Variants in MAF observed in about 807,000 individuals in gnomAD.
MAF encodes the protein transcription factor Maf.
MAF carries 10 observed loss-of-function variants against 22.0 expected under a neutral mutation model. That is an observed-to-expected ratio of 0.45 (90% CI 0.28 to 0.77). MAF has a LOEUF of 0.77. Ranked by LOEUF, MAF falls within the 30% of genes least tolerant of loss-of-function variation. The pLI, the probability that MAF is intolerant of heterozygous loss-of-function variation, is 0.12. For missense variants in MAF, 544 were observed against 548.4 expected (o/e 0.99, Z 0.08); for synonymous variants, 337 against 255.8 (o/e 1.32, Z -3.03).
chr16:79,591,857 T>A (rs575273623), downstream of MAF, among the ~76,000 whole-genome samples: 140 of 152,360 alleles, frequency 9.2e-4, no homozygotes, highest in African/African-American at 3.3e-3. Context: ...AATCACAGAC[T>A]GATACATTTA....
chr16:79,249,337 T>C, the MAF span, among the ~76,000 whole-genome samples: 10 of 150,142 alleles, frequency 6.7e-5, no homozygotes, highest in Non-Finnish European at 1.5e-4. Context: ...GAGAACCACC[T>C]GAATCTGGGA....
the MAF span, chr16:79,515,889 A>C: frequency 8.5e-5 from 13 of 152,050 alleles, no homozygotes; most frequent in South Asian, 2.1e-4. Context: ...TCTGAGTGAC[A>C]GTGACAATGG....
chr16:79,553,588 C>G, the MAF span, among the ~76,000 whole-genome samples: 1 of 152,226 alleles, frequency 6.6e-6, no homozygotes, highest in East Asian at 1.9e-4. Flanking sequence ...TGGCTGAAGT[C>G]AGCCTGGTCA....
chr16:79,446,072 G>GAA, the MAF span, among the ~76,000 whole-genome samples: 3 of 151,626 alleles, frequency 2.0e-5, no homozygotes, highest in East Asian at 3.9e-4. Context: ...GAGACAGAGA[G>GAA]AAAAAAAAGA....
At chr16:79,205,995 G>A in the MAF span, 1 of 152,166 alleles carries the variant, frequency 6.6e-6, no homozygotes, top group Non-Finnish European at 1.5e-5. Flanking sequence ...GGCACCTGGA[G>A]ATGGCATTTT....
chr16:79,433,526 T>A, the MAF span, among the ~76,000 whole-genome samples: 1 of 152,008 alleles, frequency 6.6e-6, no homozygotes, highest in South Asian at 2.1e-4. Flanking sequence ...ATGGAAGTGA[T>A]GCTTTTCTAG....
At chr16:79,528,724 T>C in the MAF span, among the ~76,000 whole-genome samples, 6 of 152,096 alleles carry the variant, frequency 3.9e-5, no homozygotes, top group Non-Finnish European at 5.9e-5. Context: ...AGGGCTATTA[T>C]TGAATGCATT....
At chr16:79,345,556 T>A in the MAF span, among the ~76,000 whole-genome samples, 1 of 151,728 alleles carries the variant, frequency 6.6e-6, no homozygotes, top group South Asian at 2.1e-4. Context: ...AGTGAAACCC[T>A]GTCTCTACTA....
the MAF span, among the ~76,000 whole-genome samples, chr16:79,459,307 C>G: frequency 6.6e-6 from 1 of 152,124 alleles, no homozygotes; most frequent in South Asian, 2.1e-4. Context: ...GTCCTTTTTC[C>G]TACCTCCCAT....
At chr16:79,537,524 G>C in the MAF span, among the ~76,000 whole-genome samples, 1 of 152,184 alleles carries the variant, frequency 6.6e-6, no homozygotes, top group South Asian at 2.1e-4. Context: ...TTCAAGCCTA[G>C]ACTCATGCCT....
chr16:79,423,551 A>G, the MAF span, among the ~76,000 whole-genome samples: 2 of 152,228 alleles, frequency 1.3e-5, no homozygotes, highest in Admixed American at 6.5e-5. Context: ...TTTTGTAAAT[A>G]AAGTTTTATT....
At chr16:79,299,052 C>T in the MAF span, among the ~76,000 whole-genome samples, 1 of 152,336 alleles carries the variant, frequency 6.6e-6, no homozygotes, top group African/African-American at 2.4e-5. Context: ...CACTGGGGCT[C>T]GGCGGCAACA....
chr16:79,541,509 CA>C, the MAF span, among the ~76,000 whole-genome samples: 1 of 152,002 alleles, frequency 6.6e-6, no homozygotes, highest in African/African-American at 2.4e-5. Flanking sequence ...TGCTGCTACA[CA>C]GGAGCTGTTC....
At chr16:79,216,253 G>A in the MAF span, among the ~76,000 whole-genome samples, 2 of 152,122 alleles carry the variant, frequency 1.3e-5, no homozygotes, top group Admixed American at 1.3e-4. Context: ...GTACATGTAT[G>A]CATGCACAAA....
the MAF span, among the ~76,000 whole-genome samples, chr16:79,486,367 C>T: frequency 2.3e-3 from 355 of 152,254 alleles, 2 homozygotes; most frequent in African/African-American, 7.9e-3. Context: ...ATCTTAGATT[C>T]GCCCTGGTCA....
chr16:79,381,659 G>C, the MAF span, among the ~76,000 whole-genome samples: 1 of 152,118 alleles, frequency 6.6e-6, no homozygotes, highest in Non-Finnish European at 1.5e-5. Context: ...TTCCACTTTG[G>C]TAGCTACAGT....
At chr16:79,251,040 C>T in the MAF span, among the ~76,000 whole-genome samples, 19,044 of 152,142 alleles carry the variant, frequency 0.13, 1,429 homozygotes, top group Middle Eastern at 0.19. Context: ...TTCACTAATA[C>T]CACCTGACCT....
chr16:79,376,986 G>C, the MAF span, among the ~76,000 whole-genome samples: 1 of 152,142 alleles, frequency 6.6e-6, no homozygotes, highest in Non-Finnish European at 1.5e-5. Flanking sequence ...ATAAACATAC[G>C]TGTGCATGTG....
At chr16:79,298,210 G>A in the MAF span, among the ~76,000 whole-genome samples, 17 of 152,330 alleles carry the variant, frequency 1.1e-4, no homozygotes, top group Admixed American at 2.6e-4. Context: ...GGGGACTTGC[G>A]TCCCCAGGAA....
Sources: allele counts gnomAD v4.1 joint callset (sites outside exome capture counted in the v4.1 genomes callset), GRCh38; gene constraint gnomAD v4.1.1; transcripts MANE v1.5; gene names NCBI Gene and HGNC (gene_info 2026-07-23, HGNC 2026-07-21).